The following FMR1 variants were observed in gnomAD, a reference collection of about 807,000 sequenced individuals.
The protein encoded by FMR1 is fragile X messenger ribonucleoprotein 1.
FMR1 carries 13 observed loss-of-function variants against 50.6 expected under a neutral mutation model. The observed-to-expected ratio is 0.26, with a 90% CI of 0.17 to 0.41. The LOEUF (loss-of-function observed/expected upper bound fraction) is 0.41. Among genes scored for constraint, FMR1 ranks in the 10% least tolerant of loss-of-function variants. The probability of loss-of-function intolerance (pLI) is 1.00; values close to 1 mark genes in which losing one functional copy is unlikely to be tolerated. For synonymous variants in FMR1, 138 were observed against 164.1 expected, an observed-to-expected ratio of 0.84 and a Z score of 1.22; for missense variants, 316 against 491.3, an observed-to-expected ratio of 0.64 and a Z score of 3.37.
intron 9 of FMR1, chrX:147,933,419 AG>A: frequency 1.0e-6 from 1 of 978,316 alleles, no homozygotes; most frequent in Non-Finnish European, 1.3e-6. Flanking sequence ...ATCTGAACAT[AG>A]GTTACTTAAA....
Position 147,912,049 on chromosome X carries a change from CGCGGCG to C in FMR1, c.-105_-100del, listed in dbSNP as rs193922936. On this transcript the variant is annotated 5_prime_UTR_variant, in exon 1 of 17. Coordinates refer to ENST00000370475, the MANE Select transcript of FMR1 (RefSeq NM_002024.6). ...GCCGCTGCCAGGGGGCGTGCGGCAGCGCGGCGGCGGCGGCGGCGGCGGCGGCGGCGG... is the reference window on the plus strand; with the variant it reads ...GCCGCTGCCAGGGGGCGTGCGGCAGCGCGGCGGCGGCGGCGGCGGCGGCGG... 7.7e-4 allele frequency: 32 copies of C among 41,475 alleles called. No individual in the cohort carries two copies. The highest frequency in any genetic ancestry group is 1.8e-3 in the Admixed American group (5 of 2,772). 3.4% of individuals were successfully genotyped at this position (41,475 alleles called of 1,213,427 possible).
chrX:147,928,307 G>A lies in FMR1; in HGVS notation c.199-15G>A, dbSNP rs200465514. ...TGTTAATCATGAAATATTCTGTGTT[G>A]TAATTTTTGTGTAGGTGTATTCCAG... On this transcript the variant is annotated splice_polypyrimidine_tract_variant and intron_variant, in intron 3 of 16. Transcript: ENST00000370475. 11 of 1,174,815 alleles carry A rather than the reference G, an allele frequency of 9.4e-6. No individual in the cohort carries two copies. Among genetic ancestry groups the A allele is most frequent in the Admixed American group, 2.2e-5 (1 of 45,528 alleles).
rs895624612 is a variant in FMR1, at chrX:147,918,896, G to T, written c.52-3037G>T. ...GATTTTAATTTTATTTAATTTTAAT[G>T]TAAGTAGTCGCACATGACCCGTGGC... On this transcript the variant is annotated intron_variant, in intron 1 of 16. Coordinates refer to ENST00000370475, the MANE Select transcript of FMR1 (RefSeq NM_002024.6). 5.4e-5 allele frequency among the ~76,000 whole-genome samples: 6 copies of T among 110,745 alleles called. No homozygotes were observed. In the East Asian group the frequency reaches 1.7e-3, roughly 31 times the overall value.
chrX:147,926,193 A>G (rs1165598984), intron 3 of FMR1, among the ~76,000 whole-genome samples: 1 of 111,946 alleles, frequency 8.9e-6, no homozygotes, highest in Admixed American at 9.4e-5. Flanking sequence ...GAGATCTAAC[A>G]TGTGAACAGA....
At chrX:147,942,411 G>A (rs897813957) in intron 13 of FMR1, among the ~76,000 whole-genome samples, 2 of 112,154 alleles carry the variant, frequency 1.8e-5, no homozygotes, top group South Asian at 3.7e-4. Context: ...TCTGTCATTG[G>A]ACCCCAGGTG....
chrX:147,925,295 G>A (rs2043348050), intron 2 of FMR1, among the ~76,000 whole-genome samples: 1 of 112,027 alleles, frequency 8.9e-6, no homozygotes, highest in Non-Finnish European at 1.9e-5. Context: ...TCATAATGTT[G>A]CTGTATTGTG....
intron 16 of FMR1, chrX:147,947,689 G>T (rs1467166566): frequency 1.6e-4 from 17 of 106,848 alleles, no homozygotes; most frequent in African/African-American, 5.9e-4. Context: ...CAGCCTGGGC[G>T]ACAGAGCGAG....
chrX:147,932,882 T>A, intron 9 of FMR1, 119 bp downstream of exon 9: 1 of 505,337 alleles, frequency 2.0e-6, no homozygotes, highest in Non-Finnish European at 3.4e-6. Flanking sequence ...TGAAACATAG[T>A]CTTTGAAATA....
intron 3 of FMR1, among the ~76,000 whole-genome samples, chrX:147,927,201 C>A (rs1435054567): frequency 8.9e-6 from 1 of 111,795 alleles, no homozygotes; most frequent in Non-Finnish European, 1.9e-5. Flanking sequence ...AGACCCAGGT[C>A]TTTGGTCTGT....
rs2044291079 is a variant in FMR1 at position 147,950,426 on chromosome X, C to T, written c.*1582C>T. 1 of 327,934 alleles carries T rather than the reference C, an allele frequency of 3.0e-6. No homozygotes were observed. Among genetic ancestry groups the T allele is most frequent in the African/African-American group, 2.7e-5 (1 of 37,679 alleles). 27.0% of individuals were successfully genotyped at this position (327,934 alleles called of 1,213,427 possible). On this transcript the variant is annotated 3_prime_UTR_variant, in exon 17 of 17. Coordinates refer to ENST00000370475, the MANE Select transcript of FMR1 (RefSeq NM_002024.6). The stretch of plus-strand genomic sequence containing the variant: ...TAGTATTTGAAAACAGAAATTGGTA[C>T]CTTGCACACATCATCTGTAAGCTGT...
At chrX:147,917,101 G>A (rs2042908644) in intron 1 of FMR1, among the ~76,000 whole-genome samples, 2 of 111,875 alleles carry the variant, frequency 1.8e-5, no homozygotes, top group Admixed American at 1.9e-4. Context: ...AGCACTACAT[G>A]TTCTGTCTTC....
intron 5 of FMR1, among the ~76,000 whole-genome samples, chrX:147,929,560 CCTA>C (rs1413373727): frequency 2.8e-5 from 3 of 107,719 alleles, no homozygotes; most frequent in Non-Finnish European, 5.8e-5. Flanking sequence ...AATATATATA[CCTA>C]CTATGTACCC....
chrX:147,919,521 T>C (rs965578212), intron 1 of FMR1, among the ~76,000 whole-genome samples: 2 of 112,606 alleles, frequency 1.8e-5, no homozygotes, highest in Non-Finnish European at 3.8e-5. Flanking sequence ...CATTTAAATA[T>C]AGCTGAGTAA....
At chrX:147,912,623 T>C in intron 1 of FMR1, 1 of 303,644 alleles carries the variant, frequency 3.3e-6, no homozygotes, top group Admixed American at 5.8e-5. Context: ...GATCCGGGCC[T>C]GTCGTGTGGG....
intron 13 of FMR1, among the ~76,000 whole-genome samples, 189 bp downstream of exon 13, chrX:147,940,851 G>A (rs2043976144): frequency 8.9e-6 from 1 of 111,897 alleles, no homozygotes; most frequent in African/African-American, 3.3e-5. Context: ...ATAAATTTAA[G>A]TACCAATATA....
intron 1 of FMR1, among the ~76,000 whole-genome samples, chrX:147,917,607 A>G (rs1557175484): frequency 8.9e-6 from 1 of 111,920 alleles, no homozygotes; most frequent in Non-Finnish European, 1.9e-5. Flanking sequence ...CAATTTTTAA[A>G]GCTTTTTTAA....
chrX:147,916,875 T>C lies in FMR1; in HGVS notation c.51+4645T>C, dbSNP rs782743401. Among the ~76,000 whole-genome samples the C allele has an allele frequency of 1.8e-3, 197 of 111,627 alleles. 1 individual carries two copies. The highest frequency in any genetic ancestry group is 3.1e-3 in the Non-Finnish European group (167 of 53,116). On this transcript the variant is annotated intron_variant, in intron 1 of 16. Transcript: ENST00000370475. ...GCTTCAGCCTTCCGGGTAGCTGAGA[T>C]TACAGGCATGTGCCACCATTCCTGG...
intron 3 of FMR1, 66 bp from the exon 4 acceptor site, chrX:147,928,256 C>T (rs782709344): frequency 7.8e-6 from 8 of 1,025,821 alleles, no homozygotes; most frequent in Non-Finnish European, 1.1e-5. Flanking sequence ...TCCTCGATAT[C>T]TGAAAATCTG....
intron 2 of FMR1, 61 bp from the exon 3 acceptor site, chrX:147,925,479 G>A: frequency 2.3e-6 from 2 of 857,874 alleles, no homozygotes; most frequent in Admixed American, 4.4e-5. Flanking sequence ...TGGCAGAGTG[G>A]TCATTATTTC....
Sources: gnomAD v4.1 joint callset for allele counts (sites outside exome capture counted in the v4.1 genomes callset) on GRCh38, gnomAD v4.1.1 for gene constraint, MANE v1.5 for transcripts, NCBI Gene and HGNC (gene_info 2026-07-23, HGNC 2026-07-21) for gene names.